The following CSGALNACT2 variants were observed in gnomAD, a reference collection of about 807,000 sequenced individuals.
CSGALNACT2 encodes the protein chondroitin sulfate N-acetylgalactosaminyltransferase 2, also known as beta 4 GalNAcT-2.
In CSGALNACT2, 35 loss-of-function variants were observed where a neutral mutation model predicts 55.3. The observed-to-expected ratio is 0.63, with a 90% CI of 0.48 to 0.84. CSGALNACT2 has a LOEUF of 0.84. CSGALNACT2 is among the 40% of genes least tolerant of loss of function. The pLI, the probability that CSGALNACT2 is intolerant of heterozygous loss-of-function variation, is 0.00. For synonymous variants in CSGALNACT2, 196 were observed against 224.9 expected (o/e 0.87, Z 1.15); for missense variants, 544 against 657.5 (o/e 0.83, Z 1.89).
intron 7 of CSGALNACT2, among the ~76,000 whole-genome samples, chr10:43,177,453 C>T (rs751812602): frequency 6.6e-5 from 10 of 152,192 alleles, no homozygotes; most frequent in Admixed American, 2.0e-4. Flanking sequence ...CAAACTTAGG[C>T]ATCTACTGGT....
At chr10:43,175,864 A>G in intron 6 of CSGALNACT2, 87 bp from the exon 7 acceptor site, 5 of 1,160,678 alleles carry the variant, frequency 4.3e-6, no homozygotes, top group Non-Finnish European at 3.8e-6. Context: ...AAAAGTATAC[A>G]TTAGAAAATA....
chr10:43,153,220 A>C (rs2435370), intron 1 of CSGALNACT2, among the ~76,000 whole-genome samples: 5,069 of 151,466 alleles, frequency 0.033, 178 homozygotes, highest in Non-Finnish European at 0.043. Flanking sequence ...TTGTAGTCCC[A>C]GCTACTCGGG....
intron 6 of CSGALNACT2, among the ~76,000 whole-genome samples, chr10:43,168,673 GACACACACACACACACACACACAC>G (rs55776451): frequency 6.8e-6 from 1 of 147,906 alleles, no homozygotes; most frequent in East Asian, 2.0e-4. Flanking sequence ...AGTACACACA[GACACACACACACACACACACACAC>G]ACACACACAC....
chr10:43,182,114 G>A (rs1237022571), intron 7 of CSGALNACT2, among the ~76,000 whole-genome samples: 1 of 151,282 alleles, frequency 6.6e-6, no homozygotes, highest in Non-Finnish European at 1.5e-5. Flanking sequence ...CTCCATTCGG[G>A]GTCCCTGACT....
chr10:43,158,802 T>C lies in CSGALNACT2; in HGVS notation c.749T>C (p.Leu250Pro). ...CTTACGGAATATAGACATGTGACCC[T>C]CTTCCGCCCTTTTGGACCTCTCATG... ...ADLTEYRHVT[L>P]FRPFGPLMKV... Residue 250 changes from leucine (L) to proline (P), a missense_variant, in exon 3 of 8, where the codon CTC becomes CCC. Transcript: ENST00000374466. 1 of 1,611,930 alleles carries C rather than the reference T, an allele frequency of 6.2e-7. No homozygotes were observed. Among genetic ancestry groups the C allele is most frequent in the Non-Finnish European group, 8.5e-7 (1 of 1,178,174 alleles).
chr10:43,149,897 A>G (rs1838839502), intron 1 of CSGALNACT2, among the ~76,000 whole-genome samples: 1 of 152,106 alleles, frequency 6.6e-6, no homozygotes, highest in African/African-American at 2.4e-5. Flanking sequence ...GAGAAACCCC[A>G]TCTCTACTAA....
In CSGALNACT2 at chr10:43,184,276, A is replaced by T. The variant is rs545816487; in HGVS notation, c.*734A>T. The T allele has an allele frequency of 6.6e-6, 1 of 152,344 alleles. No individual in the cohort carries two copies. Among genetic ancestry groups the T allele is most frequent in the East Asian group, 1.9e-4 (1 of 5,186 alleles). The allele number at this position is 152,344 out of a possible 1,614,324, so 9.4% of individuals were successfully genotyped here. The stretch of plus-strand genomic sequence containing the variant: ...CTATTTTGAACAAACAGAAAAGAAC[A>T]CGGAAACATTTTTAACAGAGCATTT... On this transcript the variant is annotated 3_prime_UTR_variant, in exon 8 of 8. Coordinates refer to ENST00000374466, the MANE Select transcript of CSGALNACT2 (RefSeq NM_018590.5).
chr10:43,139,260 T>C (rs1738883930), intron 1 of CSGALNACT2, among the ~76,000 whole-genome samples: 1 of 152,248 alleles, frequency 6.6e-6, no homozygotes, highest in African/African-American at 2.4e-5. Flanking sequence ...ATTAATGTTG[T>C]TTTTTGAATG....
At chr10:43,152,522 A>G (rs1445064892) in intron 1 of CSGALNACT2, among the ~76,000 whole-genome samples, 5 of 152,216 alleles carry the variant, frequency 3.3e-5, no homozygotes, top group Admixed American at 3.3e-4. Context: ...TTTCCCTTAA[A>G]GGGAAGAGGA....
chr10:43,147,323 A>C (rs563730654), intron 1 of CSGALNACT2, among the ~76,000 whole-genome samples: 1 of 123,246 alleles, frequency 8.1e-6, no homozygotes, highest in African/African-American at 3.3e-5. Context: ...CTTTTCCCAC[A>C]TTTTAATTGA....
At chr10:43,157,433 T>A (rs1311630655) in intron 2 of CSGALNACT2, among the ~76,000 whole-genome samples, 1 of 152,244 alleles carries the variant, frequency 6.6e-6, no homozygotes, top group Non-Finnish European at 1.5e-5. Flanking sequence ...TAATTAGTAA[T>A]GACAACTAAT....
chr10:43,169,916 A>G (rs1451180173), intron 6 of CSGALNACT2, among the ~76,000 whole-genome samples: 1 of 152,238 alleles, frequency 6.6e-6, no homozygotes, highest in African/African-American at 2.4e-5. Context: ...TGATTCTAGA[A>G]TTCATATTCA....
chr10:43,167,977 A>G (rs1839302071), intron 6 of CSGALNACT2, among the ~76,000 whole-genome samples: 1 of 103,016 alleles, frequency 9.7e-6, no homozygotes, highest in African/African-American at 4.0e-5. Context: ...ATGTACAAAA[A>G]ATTTAATCAT....
chr10:43,159,999 C>T (rs999781076), intron 3 of CSGALNACT2, among the ~76,000 whole-genome samples: 5 of 152,150 alleles, frequency 3.3e-5, no homozygotes, highest in Non-Finnish European at 5.9e-5. Flanking sequence ...ACTTGAGATC[C>T]GATTTCCTAA....
At chr10:43,173,972 AAC>A (rs952275171) in intron 6 of CSGALNACT2, among the ~76,000 whole-genome samples, 3 of 152,156 alleles carry the variant, frequency 2.0e-5, no homozygotes, top group African/African-American at 7.2e-5. Flanking sequence ...CAGTCTGGGC[AAC>A]ACAGTGAGAC....
At chr10:43,146,645 A>G (rs1243690274) in intron 1 of CSGALNACT2, among the ~76,000 whole-genome samples, 7 of 151,852 alleles carry the variant, frequency 4.6e-5, no homozygotes, top group African/African-American at 1.7e-4. Flanking sequence ...CAGGAGGATC[A>G]CTTGAGCCCA....
chr10:43,183,107 C>G, intron 7 of CSGALNACT2, 143 bp from the exon 8 acceptor site: 1 of 667,856 alleles, frequency 1.5e-6, no homozygotes, highest in Non-Finnish European at 2.6e-6. Context: ...CTGGGAGTCA[C>G]TCCTCCATGC....
At chr10:43,176,713 C>T (rs1839487692) in intron 7 of CSGALNACT2, among the ~76,000 whole-genome samples, 2 of 152,194 alleles carry the variant, frequency 1.3e-5, no homozygotes, top group South Asian at 2.1e-4. Context: ...CACAGGCGTG[C>T]ACCACCACAC....
At chr10:43,158,507 AATAAC>A (rs1175932385) in intron 2 of CSGALNACT2, among the ~76,000 whole-genome samples, 2 of 152,262 alleles carry the variant, frequency 1.3e-5, no homozygotes, top group African/African-American at 2.4e-5. Flanking sequence ...GATTGAATAA[AATAAC>A]AGAACAGTGA....
Sources: gnomAD v4.1 joint callset for allele counts (sites outside exome capture counted in the v4.1 genomes callset) on GRCh38, gnomAD v4.1.1 for gene constraint, MANE v1.5 for transcripts, NCBI Gene and HGNC (gene_info 2026-07-23, HGNC 2026-07-21) for gene names.